MEF2A: variants seen among roughly 807,000 people sequenced by gnomAD.
The protein encoded by MEF2A is myocyte-specific enhancer factor 2A.
Under a neutral mutation model 55.8 loss-of-function variants are expected in MEF2A, and 28 were observed. The ratio of observed to expected loss-of-function variants is 0.50; its 90% CI spans 0.37 to 0.69. The LOEUF is 0.69. MEF2A is among the 30% of genes least tolerant of loss of function. The pLI is 0.00. For synonymous variants in MEF2A, 239 were observed against 227.1 expected (o/e 1.05, Z -0.47); for missense variants, 528 against 626.2 (o/e 0.84, Z 1.67).
intron 7 of MEF2A, among the ~76,000 whole-genome samples, chr15:99,679,667 A>G (rs1328815976): frequency 6.6e-6 from 1 of 152,216 alleles, no homozygotes; most frequent in Non-Finnish European, 1.5e-5. Flanking sequence ...TTCTGGCAGT[A>G]TTCTTAATCT....
chr15:99,624,102 G>A (rs1399868320), intron 2 of MEF2A, among the ~76,000 whole-genome samples: 1 of 152,180 alleles, frequency 6.6e-6, no homozygotes, highest in African/African-American at 2.4e-5. Flanking sequence ...ATGGCGCCCG[G>A]CCGTGATCTG....
intron 2 of MEF2A, among the ~76,000 whole-genome samples, chr15:99,604,611 CTT>C (rs1974396611): frequency 6.6e-6 from 1 of 150,640 alleles, no homozygotes. Flanking sequence ...TATTGATTGA[CTT>C]TTATTATATG....
In MEF2A at chr15:99,566,265, G is replaced by A. The variant is rs1312206623; in HGVS notation, c.-225+161G>A. 3.4e-5 allele frequency among the ~76,000 whole-genome samples: 5 copies of A among 148,936 alleles called. No individual in the cohort carries two copies. The East Asian group carries it at 1.0e-3, about 30-fold the overall frequency. ...CGGGGGGCTCCGGGGACCCCTGGACGAGGCCGTGTCCGGCTTGGAGGGGGC... is the reference window on the plus strand; with the variant it reads ...CGGGGGGCTCCGGGGACCCCTGGACAAGGCCGTGTCCGGCTTGGAGGGGGC... On this transcript the variant is annotated intron_variant, in intron 1 of 11. Transcript: ENST00000557942.
chr15:99,699,102 C>A (rs2056969522), intron 8 of MEF2A, among the ~76,000 whole-genome samples: 1 of 151,688 alleles, frequency 6.6e-6, no homozygotes, highest in African/African-American at 2.4e-5. Context: ...TCCGGTAATG[C>A]CACTCTTTGA....
intron 5 of MEF2A, among the ~76,000 whole-genome samples, chr15:99,673,188 C>T (rs1230631507): frequency 6.6e-6 from 1 of 152,060 alleles, no homozygotes; most frequent in Non-Finnish European, 1.5e-5. Flanking sequence ...TTTGGATTTT[C>T]AGATTAGGGA....
intron 4 of MEF2A, among the ~76,000 whole-genome samples, chr15:99,666,795 T>C (rs746345131): frequency 1.3e-5 from 2 of 152,224 alleles, no homozygotes; most frequent in East Asian, 3.9e-4. Flanking sequence ...TTAGGCAGTA[T>C]GCCCTCCTCT....
At chr15:99,622,543 T>C (rs1407161672) in intron 2 of MEF2A, among the ~76,000 whole-genome samples, 3 of 152,182 alleles carry the variant, frequency 2.0e-5, no homozygotes, top group East Asian at 1.9e-4. Context: ...TTTGAAATTG[T>C]ACATAAATTT....
chr15:99,699,988 A>G (rs62042271), intron 8 of MEF2A, among the ~76,000 whole-genome samples: 86,412 of 126,750 alleles, frequency 0.68, 28,289 homozygotes, highest in Admixed American at 0.73. Flanking sequence ...GTGTGTGTAT[A>G]TATATATATA....
chr15:99,570,956 G>A (rs1244028991), intron 1 of MEF2A, among the ~76,000 whole-genome samples: 1 of 152,046 alleles, frequency 6.6e-6, no homozygotes, highest in Non-Finnish European at 1.5e-5. Flanking sequence ...AGGTGGAGGC[G>A]GGCAGATCAC....
At chr15:99,706,591 T>C in intron 9 of MEF2A, 138 bp from the exon 10 acceptor site, 1 of 854,230 alleles carries the variant, frequency 1.2e-6, no homozygotes, top group Non-Finnish European at 1.9e-6. Flanking sequence ...ACTAGTATTT[T>C]TGAAGTTTTC....
intron 3 of MEF2A, among the ~76,000 whole-genome samples, chr15:99,642,463 A>G (rs1567302495): frequency 6.6e-6 from 1 of 151,502 alleles, no homozygotes; most frequent in African/African-American, 2.4e-5. Context: ...ACTTTTTTCT[A>G]TTCATTTTAG....
At chr15:99,668,948 A>G (rs558933984) in intron 4 of MEF2A, among the ~76,000 whole-genome samples, 50 of 152,326 alleles carry the variant, frequency 3.3e-4, no homozygotes, top group African/African-American at 1.2e-3. Context: ...CTTATTATCT[A>G]CAAAGCTGAT....
At chr15:99,632,107 G>A (rs931112438) in intron 2 of MEF2A, among the ~76,000 whole-genome samples, 4 of 152,122 alleles carry the variant, frequency 2.6e-5, no homozygotes, top group Non-Finnish European at 5.9e-5. Context: ...ATCATTTCCA[G>A]TCATCCTACT....
intron 10 of MEF2A, among the ~76,000 whole-genome samples, chr15:99,709,433 C>A (rs141571176): frequency 6.6e-6 from 1 of 152,130 alleles, no homozygotes; most frequent in South Asian, 2.1e-4. Flanking sequence ...ATCTAGAGGT[C>A]GAAGGAGACT....
intron 7 of MEF2A, among the ~76,000 whole-genome samples, chr15:99,689,525 C>G (rs576867515): frequency 6.6e-6 from 1 of 152,280 alleles, no homozygotes; most frequent in South Asian, 2.1e-4. Context: ...CTGTCACCCA[C>G]GCTGTAGTGC....
intron 1 of MEF2A, among the ~76,000 whole-genome samples, chr15:99,568,755 G>A (rs1235917102): frequency 2.6e-5 from 4 of 152,236 alleles, no homozygotes; most frequent in South Asian, 2.1e-4. Context: ...TGTAATATAC[G>A]ATGATGATGG....
At chr15:99,611,669 C>T (rs550152305) in intron 2 of MEF2A, among the ~76,000 whole-genome samples, 35 of 152,300 alleles carry the variant, frequency 2.3e-4, no homozygotes, top group African/African-American at 7.7e-4. Flanking sequence ...CTGCTCCTAG[C>T]GATATATCTG....
chr15:99,581,604 C>T (rs1176437842), intron 1 of MEF2A, among the ~76,000 whole-genome samples: 2 of 152,122 alleles, frequency 1.3e-5, no homozygotes, highest in African/African-American at 4.8e-5. Flanking sequence ...AACCCTTCCT[C>T]TTTTGGACTC....
At chr15:99,644,000 TGGTATTG>T (rs1471313164) in intron 3 of MEF2A, among the ~76,000 whole-genome samples, 2 of 152,204 alleles carry the variant, frequency 1.3e-5, no homozygotes, top group Non-Finnish European at 2.9e-5. Flanking sequence ...ACAGACTAGA[TGGTATTG>T]GCTAGTTAAA....
Sources: allele counts gnomAD v4.1 joint callset (sites outside exome capture counted in the v4.1 genomes callset), GRCh38; gene constraint gnomAD v4.1.1; transcripts MANE v1.5; gene names NCBI Gene and HGNC (gene_info 2026-07-23, HGNC 2026-07-21).